HS3ST5: variants seen among roughly 807,000 people sequenced by gnomAD.
The protein encoded by HS3ST5 is heparan sulfate-glucosamine 3-sulfotransferase 5.
HS3ST5 carries 10 observed loss-of-function variants against 25.4 expected under a neutral mutation model. The ratio of observed to expected loss-of-function variants is 0.39; its 90% confidence interval spans 0.24 to 0.67. The LOEUF is 0.67. Ranked by LOEUF, HS3ST5 falls within the 30% of genes least tolerant of loss-of-function variation. The pLI, the probability that HS3ST5 is intolerant of heterozygous loss-of-function variation, is 0.44. For missense variants in HS3ST5, 324 were observed against 420.7 expected (o/e 0.77, Z 2.01); for synonymous variants, 170 against 162.4 (o/e 1.05, Z -0.36).
intron 1 of HS3ST5, chr6:114,252,034 A>G (rs1482354432): frequency 6.6e-6 from 1 of 152,162 alleles, no homozygotes; most frequent in Admixed American, 6.5e-5. Flanking sequence ...GCATTTGTTG[A>G]CTGAAAGAGT....
chr6:114,089,540 C>T (rs1218779524), intron 3 of HS3ST5, among the ~76,000 whole-genome samples: 5 of 152,148 alleles, frequency 3.3e-5, no homozygotes, highest in Admixed American at 2.0e-4. Context: ...ATCAAATTTT[C>T]AAAGCAAACT....
At chr6:114,197,018 A>G (rs1780791955) in intron 2 of HS3ST5, among the ~76,000 whole-genome samples, 2 of 152,174 alleles carry the variant, frequency 1.3e-5, no homozygotes, top group Admixed American at 1.3e-4. Context: ...CAGGATGGAG[A>G]CAGCCCAAGG....
intron 1 of HS3ST5, among the ~76,000 whole-genome samples, chr6:114,238,775 G>A (rs1258661373): frequency 6.6e-6 from 1 of 152,150 alleles, no homozygotes; most frequent in Non-Finnish European, 1.5e-5. Context: ...GAAGAAAAGA[G>A]AGAGGACCAA....
At chr6:114,068,232 C>A (rs1213288533) in intron 3 of HS3ST5, among the ~76,000 whole-genome samples, 1 of 152,006 alleles carries the variant, frequency 6.6e-6, no homozygotes, top group African/African-American at 2.4e-5. Context: ...CACACACAGT[C>A]AATATTTCTC....
intron 1 of HS3ST5, among the ~76,000 whole-genome samples, chr6:114,280,355 GC>G (rs1453453383): frequency 3.9e-5 from 6 of 151,946 alleles, no homozygotes; most frequent in African/African-American, 1.4e-4. Flanking sequence ...AGTGAGCTGA[GC>G]CTGAAAGGAG....
chr6:114,199,518 T>A (rs1300525727), intron 2 of HS3ST5, among the ~76,000 whole-genome samples: 2 of 152,174 alleles, frequency 1.3e-5, no homozygotes, highest in Non-Finnish European at 2.9e-5. Context: ...CTCTGAGAAG[T>A]CCTACAGTAA....
chr6:114,180,934 G>T (rs541227759), intron 2 of HS3ST5, among the ~76,000 whole-genome samples: 1 of 152,290 alleles, frequency 6.6e-6, no homozygotes, highest in African/African-American at 2.4e-5. Flanking sequence ...TGCTTTAATT[G>T]CATGATTCAC....
At chr6:114,085,217 A>G (rs947764349) in intron 3 of HS3ST5, among the ~76,000 whole-genome samples, 4 of 151,778 alleles carry the variant, frequency 2.6e-5, no homozygotes, top group Non-Finnish European at 5.9e-5. Flanking sequence ...GTGATACTTC[A>G]CTCTTGACTG....
chr6:114,263,423 C>T (rs554201266), intron 1 of HS3ST5, among the ~76,000 whole-genome samples: 25 of 152,032 alleles, frequency 1.6e-4, no homozygotes, highest in African/African-American at 5.8e-4. Context: ...AAAACAAAAC[C>T]CTTGTTAGCT....
intron 2 of HS3ST5, among the ~76,000 whole-genome samples, chr6:114,175,326 A>G (rs1779675218): frequency 6.6e-6 from 1 of 152,220 alleles, no homozygotes. Context: ...TATATAATAA[A>G]GAACTGGAAT....
At chr6:114,256,796 G>C (rs1772945443) in intron 1 of HS3ST5, among the ~76,000 whole-genome samples, 1 of 152,042 alleles carries the variant, frequency 6.6e-6, no homozygotes, top group South Asian at 2.1e-4. Flanking sequence ...CACATTTTCA[G>C]GTATCTTTAC....
At chr6:114,241,995 A>AT (rs1772149629) in intron 1 of HS3ST5, among the ~76,000 whole-genome samples, 1 of 152,126 alleles carries the variant, frequency 6.6e-6, no homozygotes, top group African/African-American at 2.4e-5. Context: ...GCTTTGGGTC[A>AT]TTTTTTTCTG....
chr6:114,255,971 G>A (rs1772890393), intron 1 of HS3ST5, among the ~76,000 whole-genome samples: 1 of 152,168 alleles, frequency 6.6e-6, no homozygotes, highest in Non-Finnish European at 1.5e-5. Flanking sequence ...TATGCAGCTG[G>A]CTTAAATTTC....
chr6:114,108,540 G>A (rs934888307), intron 3 of HS3ST5, among the ~76,000 whole-genome samples: 4 of 152,144 alleles, frequency 2.6e-5, no homozygotes, highest in Admixed American at 2.6e-4. Flanking sequence ...ACCCAGAAGG[G>A]AAACCCTTTC....
intron 1 of HS3ST5, among the ~76,000 whole-genome samples, chr6:114,260,427 G>T (rs905157771): frequency 6.6e-6 from 1 of 152,090 alleles, no homozygotes; most frequent in Non-Finnish European, 1.5e-5. Flanking sequence ...ATAAGACTTC[G>T]TAAACAACTC....
At chr6:114,066,248 C>T (rs1773440018) in intron 3 of HS3ST5, among the ~76,000 whole-genome samples, 1 of 152,248 alleles carries the variant, frequency 6.6e-6, no homozygotes, top group Non-Finnish European at 1.5e-5. Context: ...ATCTGCTTTG[C>T]TGCACAGGCC....
chr6:114,337,105 G>A (rs1776640818), intron 1 of HS3ST5, among the ~76,000 whole-genome samples: 1 of 151,872 alleles, frequency 6.6e-6, no homozygotes, highest in Non-Finnish European at 1.5e-5. Context: ...TCTATCTCAG[G>A]CCATTCCATC....
intron 1 of HS3ST5, among the ~76,000 whole-genome samples, chr6:114,306,255 A>ATATATATATATATG (rs746045586): frequency 3.2e-5 from 4 of 123,766 alleles, no homozygotes; most frequent in Admixed American, 3.1e-4. Flanking sequence ...ATATATATAT[A>ATATATATATATATG]TACACACACA....
At chr6:114,116,027 T>C (rs1776513219) in intron 3 of HS3ST5, 1 of 152,118 alleles carries the variant, frequency 6.6e-6, no homozygotes, top group Admixed American at 6.6e-5. Flanking sequence ...TTTTGCTCTA[T>C]TCTCCAAACT....
Sources: gnomAD v4.1 joint callset for allele counts (sites outside exome capture counted in the v4.1 genomes callset) on GRCh38, gnomAD v4.1.1 for gene constraint, MANE v1.5 for transcripts, NCBI Gene and HGNC (gene_info 2026-07-23, HGNC 2026-07-21) for gene names.